RBL2: variants seen among roughly 807,000 people sequenced by gnomAD.
RBL2 encodes the protein RB transcriptional corepressor like 2.
A neutral mutation model predicts 126.0 loss-of-function variants in RBL2; 56 were observed. The observed-to-expected ratio is 0.44, with a 90% CI of 0.36 to 0.56. The LOEUF (loss-of-function observed/expected upper bound fraction) is 0.56. Among genes scored for constraint, RBL2 ranks in the 20% least tolerant of loss-of-function variants. RBL2 has a pLI of 0.00. For missense variants in RBL2, 1,229 were observed against 1,398.2 expected (o/e 0.88, Z 1.93); for synonymous variants, 454 against 478.5 (o/e 0.95, Z 0.67).
At position 53,434,651 on chromosome 16, in the gene RBL2, A is replaced by C; in HGVS notation, c.95A>C (p.Glu32Ala). ...DEEEEDDGEA[E>A]DAAPPAESPT... is the part of the protein sequence containing the mutation. Reference sequence around the variant, plus strand: ...GAGGAGGAGGACGACGGCGAGGCGGAAGACGCCGCGCCGCCTGCCGAGTCG... The same window carrying C: ...GAGGAGGAGGACGACGGCGAGGCGGCAGACGCCGCGCCGCCTGCCGAGTCG... The change falls in exon 1 of 22, where the codon GAA becomes GCA. Residue 32 changes from glutamate (E) to alanine (A), a missense_variant. Glu to Ala is a moderately radical substitution (Grantham distance 107). Coordinates refer to ENST00000262133, the MANE Select transcript of RBL2 (RefSeq NM_005611.4). 1.3e-6 allele frequency: 2 copies of C among 1,563,428 alleles called. No homozygotes were observed. The highest frequency in any genetic ancestry group is 2.3e-5 in the South Asian group (2 of 86,136).
At position 53,434,926 on chromosome 16, in the gene RBL2, C is replaced by T. The variant is rs548895153; in HGVS notation, c.240+130C>T. ...CCAGCCCCGAGAGGGGTGGGGACTTCCTCTGCGCTATTCCGAGGCTCTTAG... is the reference window on the plus strand; with the variant it reads ...CCAGCCCCGAGAGGGGTGGGGACTTTCTCTGCGCTATTCCGAGGCTCTTAG... On this transcript the variant is annotated intron_variant, in intron 1 of 21. Coordinates refer to ENST00000262133, the MANE Select transcript of RBL2 (RefSeq NM_005611.4). 329 of 1,330,566 alleles carry T rather than the reference C, an allele frequency of 2.5e-4. 1 individual carries two copies. The African/African-American group carries it at 4.5e-3, about 18-fold the overall frequency. The allele number at this position is 1,330,566 out of a possible 1,614,324, so 82.4% of individuals were successfully genotyped here. A position where few individuals can be genotyped will look rare whatever the true frequency, so the allele number is the denominator to read the frequency against.
intron 21 of RBL2, among the ~76,000 whole-genome samples, chr16:53,482,849 A>G: frequency 6.6e-6 from 1 of 151,470 alleles, no homozygotes; most frequent in East Asian, 1.9e-4. Flanking sequence ...AGAAATACAC[A>G]TATATATATG....
At chr16:53,447,281 T>G (rs2058071320) in intron 4 of RBL2, among the ~76,000 whole-genome samples, 175 bp downstream of exon 4, 1 of 150,644 alleles carries the variant, frequency 6.6e-6, no homozygotes, top group Non-Finnish European at 1.5e-5. Context: ...TCTATTGGAT[T>G]TCTTTACAAT....
chr16:53,460,203 T>C (rs1296851138), intron 9 of RBL2, among the ~76,000 whole-genome samples: 1 of 152,234 alleles, frequency 6.6e-6, no homozygotes, highest in African/African-American at 2.4e-5. Flanking sequence ...CATCATCTTA[T>C]GCATAACCTT....
At chr16:53,479,047 T>C in intron 17 of RBL2, 107 bp from the exon 18 acceptor site, 1 of 837,900 alleles carries the variant, frequency 1.2e-6, no homozygotes, top group Non-Finnish European at 2.0e-6. Context: ...TTTAAATAGC[T>C]TTTATATAAT....
At chr16:53,474,301 TTTTATTTA>T (rs58302976) in intron 17 of RBL2, among the ~76,000 whole-genome samples, 23,689 of 149,864 alleles carry the variant, frequency 0.16, 1,877 homozygotes, top group South Asian at 0.27. Context: ...GCTGTAATTC[TTTTATTTA>T]TTTATTTATT....
chr16:53,435,038 G>A (rs2057943287), intron 1 of RBL2, among the ~76,000 whole-genome samples: 1 of 152,204 alleles, frequency 6.6e-6, no homozygotes, highest in South Asian at 2.1e-4. Context: ...GCACAGCAAG[G>A]CTGAGATCGC....
At chr16:53,483,936 A>AG (rs1404238310) in intron 21 of RBL2, among the ~76,000 whole-genome samples, 1 of 146,276 alleles carries the variant, frequency 6.8e-6, no homozygotes, top group Non-Finnish European at 1.5e-5. Context: ...TAAAAAAAAA[A>AG]AAAAAAAGGT....
At position 53,470,936 on chromosome 16, in the gene RBL2, G is replaced by T. The variant is rs1284190294; in HGVS notation, c.2703+14G>T. The T allele has an allele frequency of 6.3e-7, 1 of 1,597,270 alleles. No individual in the cohort carries two copies. Among genetic ancestry groups the T allele is most frequent in the African/African-American group, 1.4e-5 (1 of 74,034 alleles). Reference sequence around the variant, plus strand: ...GTGATGGCAAAGGTGAGTACCATTTGGAATTGTAAAGGCAAAGATAGGTCT... The same window carrying T: ...GTGATGGCAAAGGTGAGTACCATTTTGAATTGTAAAGGCAAAGATAGGTCT... On this transcript the variant is annotated intron_variant, in intron 17 of 21. Coordinates refer to ENST00000262133, the MANE Select transcript of RBL2 (RefSeq NM_005611.4).
chr16:53,459,088 C>G (rs1008134395), intron 8 of RBL2, among the ~76,000 whole-genome samples: 47 of 152,248 alleles, frequency 3.1e-4, no homozygotes, highest in African/African-American at 1.1e-3. Context: ...TGAGAATAAT[C>G]TTAATTTTTC....
intron 21 of RBL2, 124 bp downstream of exon 21, chr16:53,481,959 C>T: frequency 8.4e-7 from 1 of 1,184,190 alleles, no homozygotes; most frequent in African/African-American, 1.6e-5. Context: ...AGTGATCAGT[C>T]AGTCCTCATG....
Position 53,456,181 on chromosome 16 carries a change from AAAAAG to A in RBL2, c.1179+1347_1179+1351del, listed in dbSNP as rs577432543. Among the ~76,000 whole-genome samples the A allele has an allele frequency of 2.3e-4, 24 of 103,654 alleles. No homozygotes were observed. In the South Asian group the frequency reaches 6.4e-3, roughly 28 times the overall value. The allele number at this position is 103,654 out of a possible 152,430, so 68.0% of individuals were successfully genotyped here. ...ACAGAGCAAGAGCCTGTCTTTAAAA[AAAAAG>A]AAAAGAAGAAGAAAAAGAAATGCAG... On this transcript the variant is annotated intron_variant, in intron 8 of 21. Transcript: ENST00000262133.
intron 5 of RBL2, among the ~76,000 whole-genome samples, chr16:53,453,052 C>G (rs2058130676): frequency 6.6e-6 from 1 of 151,992 alleles, no homozygotes; most frequent in Admixed American, 6.6e-5. Context: ...TGAAATACAT[C>G]TAATACATTC....
chr16:53,480,873 T>A, intron 20 of RBL2, 104 bp downstream of exon 20: 2 of 1,205,766 alleles, frequency 1.7e-6, no homozygotes, highest in Non-Finnish European at 2.3e-6. Flanking sequence ...TATAAACTAG[T>A]TTTGGCCAGG....
At chr16:53,451,083 T>C (rs962262650) in intron 4 of RBL2, among the ~76,000 whole-genome samples, 3 of 152,230 alleles carry the variant, frequency 2.0e-5, no homozygotes, top group African/African-American at 7.2e-5. Flanking sequence ...AAATGTTTTG[T>C]GTTCAGAATT....
chr16:53,454,943 G>T (rs1048821420), intron 8 of RBL2, 101 bp downstream of exon 8: 3 of 976,954 alleles, frequency 3.1e-6, no homozygotes, highest in Non-Finnish European at 4.3e-6. Flanking sequence ...CTTGCCTACA[G>T]TATGAAGGAG....
chr16:53,455,070 A>G (rs539620294), intron 8 of RBL2, among the ~76,000 whole-genome samples: 1 of 152,370 alleles, frequency 6.6e-6, no homozygotes, highest in South Asian at 2.1e-4. Context: ...ATATAAATTT[A>G]AACAAATGTG....
At chr16:53,483,547 A>G (rs962178438) in intron 21 of RBL2, among the ~76,000 whole-genome samples, 3 of 152,058 alleles carry the variant, frequency 2.0e-5, no homozygotes, top group African/African-American at 4.8e-5. Context: ...CTGTTTGGAA[A>G]AAAAAGTTGA....
At chr16:53,442,636 T>C (rs556063238) in intron 2 of RBL2, 22 bp from the exon 3 acceptor site, 16 of 1,556,840 alleles carry the variant, frequency 1.0e-5, no homozygotes, top group African/African-American at 6.8e-5. Context: ...TTATGAAATA[T>C]CTTGTTTGTC....
Sources: gnomAD v4.1 joint callset for allele counts (sites outside exome capture counted in the v4.1 genomes callset) on GRCh38, gnomAD v4.1.1 for gene constraint, MANE v1.5 for transcripts, NCBI Gene and HGNC (gene_info 2026-07-23, HGNC 2026-07-21) for gene names.